The following MACROD2 variants were observed in gnomAD, a reference collection of about 807,000 sequenced individuals.
MACROD2 encodes the protein ADP-ribose glycohydrolase MACROD2.
In MACROD2, 36 loss-of-function variants were observed where a neutral mutation model predicts 70.4. That is an observed-to-expected ratio of 0.51 (90% CI 0.39 to 0.68). The LOEUF (loss-of-function observed/expected upper bound fraction) is 0.68. Ranked by LOEUF, MACROD2 falls within the 30% of genes least tolerant of loss-of-function variation. MACROD2 has a pLI of 0.00. For missense variants in MACROD2, 496 were observed against 538.4 expected, an observed-to-expected ratio of 0.92 and a Z score of 0.78; for synonymous variants, 172 against 178.8, an observed-to-expected ratio of 0.96 and a Z score of 0.30.
At chr20:15,120,872 C>T (rs979400570) in intron 5 of MACROD2, among the ~76,000 whole-genome samples, 1 of 152,192 alleles carries the variant, frequency 6.6e-6, no homozygotes, top group African/African-American at 2.4e-5. Context: ...ACCTGTCACA[C>T]TCAACAATGT....
At chr20:14,294,272 G>A (rs1419541834) in intron 3 of MACROD2, among the ~76,000 whole-genome samples, 1 of 151,116 alleles carries the variant, frequency 6.6e-6, no homozygotes, top group East Asian at 1.9e-4. Flanking sequence ...GTATAGCACA[G>A]TGACTAGAGG....
intron 8 of MACROD2, among the ~76,000 whole-genome samples, chr20:15,590,399 C>T (rs985684805): frequency 2.0e-5 from 3 of 152,202 alleles, no homozygotes; most frequent in African/African-American, 7.2e-5. Context: ...GGAATTCAGA[C>T]CCAGCCTTTA....
intron 4 of MACROD2, among the ~76,000 whole-genome samples, chr20:14,515,993 TTTATA>T (rs1423010785): frequency 1.4e-5 from 2 of 147,584 alleles, no homozygotes; most frequent in Admixed American, 1.4e-4. Context: ...TATAATTTAT[TTTATA>T]TATTATATAC....
chr20:16,004,901 T>C (rs150078387), intron 15 of MACROD2, among the ~76,000 whole-genome samples: 1 of 152,300 alleles, frequency 6.6e-6, no homozygotes, highest in African/African-American at 2.4e-5. Flanking sequence ...AAGTGTGAAC[T>C]TAAACAGATT....
intron 3 of MACROD2, among the ~76,000 whole-genome samples, chr20:14,490,531 C>T (rs1209597857): frequency 6.6e-6 from 1 of 152,116 alleles, no homozygotes; most frequent in East Asian, 1.9e-4. Flanking sequence ...ATAAAAGAGA[C>T]ATTTTATTTC....
At chr20:14,001,551 T>C (rs2052732953) in intron 1 of MACROD2, among the ~76,000 whole-genome samples, 1 of 152,082 alleles carries the variant, frequency 6.6e-6, no homozygotes, top group South Asian at 2.1e-4. Flanking sequence ...TATCTTACTG[T>C]GTTAGACTGT....
chr20:14,547,583 T>TG (rs976940468), intron 4 of MACROD2: 1 of 154,494 alleles, frequency 6.5e-6, no homozygotes, highest in Non-Finnish European at 1.5e-5. Context: ...GCTAGCCTGG[T>TG]GGGACTGAGA....
Position 15,987,122 on chromosome 20 carries a change from T to C in MACROD2, c.1117T>C (p.Leu373=). The stretch of plus-strand genomic sequence containing the variant: ...TGTGGAGCAACCAGAAGTGATTCCA[T>C]TAACAGAGGACCAAGAAGAAAAAGA... The part of the protein sequence containing the change: ...VIVEQPEVIP[L]TEDQEEKEGE... Residue 373 remains leucine, a synonymous_variant, in exon 15 of 18, where the codon TTA becomes CTA. Coordinates refer to ENST00000684519, the MANE Select transcript of MACROD2 (RefSeq NM_001351661.2). 1 of 1,612,326 alleles carries C rather than the reference T, an allele frequency of 6.2e-7. No individual in the cohort carries two copies. Among genetic ancestry groups the C allele is most frequent in the Non-Finnish European group, 8.5e-7 (1 of 1,179,602 alleles).
chr20:16,029,696 G>T (rs1435798855), intron 15 of MACROD2, among the ~76,000 whole-genome samples: 1 of 152,064 alleles, frequency 6.6e-6, no homozygotes, highest in African/African-American at 2.4e-5. Context: ...GGAGAGAAAA[G>T]GCCAAGGAAA....
intron 5 of MACROD2, among the ~76,000 whole-genome samples, chr20:15,130,136 A>G (rs547779834): frequency 1.3e-5 from 2 of 152,224 alleles, no homozygotes; most frequent in Non-Finnish European, 2.9e-5. Flanking sequence ...CATAATTGTG[A>G]ACAAGATTCT....
At chr20:14,272,744 A>T (rs938059734) in intron 3 of MACROD2, among the ~76,000 whole-genome samples, 4 of 152,214 alleles carry the variant, frequency 2.6e-5, no homozygotes, top group Non-Finnish European at 5.9e-5. Context: ...TGTATTCAGG[A>T]AACCCATCTC....
At chr20:14,814,684 T>G (rs571939594) in intron 5 of MACROD2, among the ~76,000 whole-genome samples, 1 of 152,178 alleles carries the variant, frequency 6.6e-6, no homozygotes, top group African/African-American at 2.4e-5. Flanking sequence ...GTACTTACCA[T>G]GTTCCAGGTA....
chr20:14,559,006 C>T (rs1244623022), intron 4 of MACROD2, among the ~76,000 whole-genome samples: 1 of 151,720 alleles, frequency 6.6e-6, no homozygotes, highest in South Asian at 2.1e-4. Context: ...TGTACTGAAT[C>T]GATTTAATTC....
At chr20:14,517,476 G>C (rs1458902803) in intron 4 of MACROD2, among the ~76,000 whole-genome samples, 1 of 152,134 alleles carries the variant, frequency 6.6e-6, no homozygotes, top group Non-Finnish European at 1.5e-5. Context: ...TCATAAGTGG[G>C]AGTTGAGCAA....
intron 8 of MACROD2, among the ~76,000 whole-genome samples, chr20:15,678,499 AC>A (rs2146852248): frequency 6.6e-6 from 1 of 152,130 alleles, no homozygotes; most frequent in South Asian, 2.1e-4. Flanking sequence ...AGCTGGGACT[AC>A]AGGCGCCCGC....
At chr20:15,066,994 C>CA (rs977871169) in intron 5 of MACROD2, among the ~76,000 whole-genome samples, 8 of 150,090 alleles carry the variant, frequency 5.3e-5, no homozygotes, top group African/African-American at 9.8e-5. Flanking sequence ...AATTTCAAAA[C>CA]AAAAAAAACA....
chr20:15,134,570 G>A (rs1388330426), intron 5 of MACROD2, among the ~76,000 whole-genome samples: 1 of 151,970 alleles, frequency 6.6e-6, no homozygotes, highest in Non-Finnish European at 1.5e-5. Flanking sequence ...TCAAAGCAGT[G>A]TGTAGAGGGA....
chr20:15,900,019 T>C (rs1258959339), intron 10 of MACROD2, among the ~76,000 whole-genome samples: 2 of 152,200 alleles, frequency 1.3e-5, no homozygotes, highest in African/African-American at 4.8e-5. Flanking sequence ...CCCATTATTT[T>C]CTATGCATAT....
chr20:14,862,656 AATATAT>A, intron 5 of MACROD2, among the ~76,000 whole-genome samples: 1 of 41,668 alleles, frequency 2.4e-5, no homozygotes, highest in African/African-American at 9.8e-5. Flanking sequence ...TATATATATA[AATATAT>A]ATATAAATAT....
Sources: gnomAD v4.1 joint callset for allele counts (sites outside exome capture counted in the v4.1 genomes callset) on GRCh38, gnomAD v4.1.1 for gene constraint, MANE v1.5 for transcripts, NCBI Gene and HGNC (gene_info 2026-07-23, HGNC 2026-07-21) for gene names.